Variants in ADGRL3 observed in about 807,000 individuals in gnomAD.
ADGRL3 encodes adhesion G protein-coupled receptor L3, also known as calcium-independent alpha-latrotoxin receptor 3.
ADGRL3 carries 62 observed loss-of-function variants against 153.5 expected under a neutral mutation model. The observed-to-expected ratio is 0.40, with a 90% CI of 0.33 to 0.50. ADGRL3 has a LOEUF of 0.50. ADGRL3 is among the 20% of genes least tolerant of loss of function. ADGRL3 has a pLI of 0.47. For synonymous variants in ADGRL3, 710 were observed against 672.5 expected, an observed-to-expected ratio of 1.06 and a Z score of -0.86; for missense variants, 1,641 against 1,859.4, an observed-to-expected ratio of 0.88 and a Z score of 2.16.
intron 1 of ADGRL3, among the ~76,000 whole-genome samples, chr4:61,235,441 G>C (rs1232907656): frequency 1.3e-5 from 2 of 152,164 alleles, no homozygotes; most frequent in African/African-American, 4.8e-5. Context: ...AGTTCAGAAT[G>C]ATACTGTAGT....
chr4:61,246,394 G>A (rs894053241), intron 1 of ADGRL3, among the ~76,000 whole-genome samples: 2 of 151,930 alleles, frequency 1.3e-5, no homozygotes, highest in Non-Finnish European at 2.9e-5. Flanking sequence ...AGCATCGGGG[G>A]GAGTTTAGTC....
intron 9 of ADGRL3, among the ~76,000 whole-genome samples, chr4:61,859,539 C>T (rs1194781598): frequency 1.3e-5 from 2 of 152,100 alleles, no homozygotes; most frequent in Non-Finnish European, 2.9e-5. Flanking sequence ...TTTTAGTGAA[C>T]CAAACTTCAC....
intron 9 of ADGRL3, among the ~76,000 whole-genome samples, chr4:61,871,004 CA>C (rs1208758104): frequency 6.6e-6 from 1 of 152,172 alleles, no homozygotes; most frequent in Non-Finnish European, 1.5e-5. Flanking sequence ...GGGGGCCGGG[CA>C]CGGTGGCTCA....
chr4:61,356,687 T>G (rs1482942412), intron 1 of ADGRL3, among the ~76,000 whole-genome samples: 1 of 152,104 alleles, frequency 6.6e-6, no homozygotes, highest in Non-Finnish European at 1.5e-5. Flanking sequence ...TGATTTAAAT[T>G]AAAAACAAAC....
At position 62,059,502 on chromosome 4, in the gene ADGRL3, C is replaced by T. The variant is rs77996653; in HGVS notation, c.3815-8664C>T. On this transcript the variant is annotated intron_variant, in intron 25 of 26. Transcript: ENST00000683033. ...AAAGAAGCAAGTGATTTTTAAGTAG[C>T]GATTAGTTTCTTTTCTCAGGAAAAG... Among the ~76,000 whole-genome samples, 206 of 152,110 alleles carry T rather than the reference C, an allele frequency of 1.4e-3. 1 individual carries two copies. Among genetic ancestry groups the T allele is most frequent in the African/African-American group, 4.7e-3 (196 of 41,514 alleles).
intron 1 of ADGRL3, among the ~76,000 whole-genome samples, chr4:61,206,081 T>C (rs1396409000): frequency 6.6e-6 from 1 of 152,128 alleles, no homozygotes; most frequent in Non-Finnish European, 1.5e-5. Context: ...GAGGGGTGGA[T>C]AAAAGGGGAG....
At chr4:61,317,841 A>G (rs2095259028) in intron 1 of ADGRL3, among the ~76,000 whole-genome samples, 1 of 152,192 alleles carries the variant, frequency 6.6e-6, no homozygotes, top group Non-Finnish European at 1.5e-5. Flanking sequence ...ACCCAGTACA[A>G]AAACTTACAA....
intron 9 of ADGRL3, among the ~76,000 whole-genome samples, chr4:61,838,125 A>G (rs2097964797): frequency 6.6e-6 from 1 of 152,146 alleles, no homozygotes; most frequent in Non-Finnish European, 1.5e-5. Context: ...CCCAGATCCC[A>G]AGCTATAGCT....
intron 6 of ADGRL3, among the ~76,000 whole-genome samples, 175 bp from the exon 7 acceptor site, chr4:61,730,447 C>T (rs2096420064): frequency 6.6e-6 from 1 of 151,646 alleles, no homozygotes; most frequent in African/African-American, 2.4e-5. Flanking sequence ...TTTTAAATAA[C>T]TGTATTAGAG....
chr4:61,676,868 T>G lies in ADGRL3; in HGVS notation c.516T>G (p.Asp172Glu). ...RTQCAVVAGP[D>E]VFPDPCPGTY... Reference sequence around the variant, plus strand: ...AGTGTGCAGTGGTGGCAGGTCCTGATGTTTTTCCAGACCCGTGTCCAGGAA... The same window carrying G: ...AGTGTGCAGTGGTGGCAGGTCCTGAGGTTTTTCCAGACCCGTGTCCAGGAA... The change falls in exon 6 of 27, where the codon GAT becomes GAG. Residue 172 changes from aspartate to glutamate, a missense_variant. Transcript: ENST00000683033. The G allele has an allele frequency of 6.2e-7, 1 of 1,612,308 alleles. No homozygotes were observed. Among genetic ancestry groups the G allele is most frequent in the Admixed American group, 1.7e-5 (1 of 59,918 alleles).
chr4:61,996,805 G>A (rs550512318), intron 20 of ADGRL3, among the ~76,000 whole-genome samples: 44 of 152,154 alleles, frequency 2.9e-4, no homozygotes, highest in African/African-American at 1.0e-3. Context: ...AAATTTAAAA[G>A]CAAAACTTTA....
chr4:61,244,992 C>T (rs1756475649), intron 1 of ADGRL3, among the ~76,000 whole-genome samples: 1 of 152,130 alleles, frequency 6.6e-6, no homozygotes, highest in East Asian at 1.9e-4. Flanking sequence ...ACACAATCTC[C>T]TTTCCTTTAC....
At chr4:61,959,365 C>T (rs767443677) in intron 17 of ADGRL3, among the ~76,000 whole-genome samples, 1 of 152,116 alleles carries the variant, frequency 6.6e-6, no homozygotes, top group Non-Finnish European at 1.5e-5. Flanking sequence ...AAAAGTCTGC[C>T]TACTCTCTCC....
At chr4:61,799,292 G>A (rs763786524) in intron 8 of ADGRL3, among the ~76,000 whole-genome samples, 4 of 151,698 alleles carry the variant, frequency 2.6e-5, no homozygotes, top group East Asian at 3.9e-4. Flanking sequence ...TCTATGACAG[G>A]GACTAGCAAA....
intron 5 of ADGRL3, among the ~76,000 whole-genome samples, chr4:61,668,794 G>C (rs2094892664): frequency 6.6e-6 from 1 of 152,264 alleles, no homozygotes; most frequent in East Asian, 1.9e-4. Context: ...GAGGTGGGAG[G>C]ATTGCTTGAG....
intron 1 of ADGRL3, among the ~76,000 whole-genome samples, chr4:61,228,655 C>A (rs914602882): frequency 2.0e-5 from 3 of 152,110 alleles, no homozygotes; most frequent in Non-Finnish European, 4.4e-5. Flanking sequence ...TGTTTAACAA[C>A]CCATTATGTG....
chr4:61,958,625 T>TGA lies in ADGRL3; in HGVS notation c.2805+10361_2805+10362dup, dbSNP rs151097802. Among the ~76,000 whole-genome samples the TGA allele has an allele frequency of 7.9e-5, 12 of 151,662 alleles. No homozygotes were observed. In the Middle Eastern group the frequency reaches 0.01, roughly 129 times the overall value. On this transcript the variant is annotated intron_variant, in intron 17 of 26. Coordinates refer to ENST00000683033, the MANE Select transcript of ADGRL3 (RefSeq NM_001387552.1). ...AGCAGGCACTTTCTTCACAAGGTGGTGAGAGAGAGAGAGCAGGGAAAACTG... is the reference window on the plus strand; with the variant it reads ...AGCAGGCACTTTCTTCACAAGGTGGTGAGAGAGAGAGAGAGCAGGGAAAACTG...
chr4:61,772,238 A>C (rs2097095377), intron 8 of ADGRL3, among the ~76,000 whole-genome samples: 1 of 152,154 alleles, frequency 6.6e-6, no homozygotes, highest in Non-Finnish European at 1.5e-5. Context: ...TAGGAAAAAA[A>C]ATCTTACCTT....
intron 2 of ADGRL3, among the ~76,000 whole-genome samples, chr4:61,399,180 G>A (rs528042986): frequency 6.6e-6 from 1 of 151,746 alleles, no homozygotes; most frequent in Non-Finnish European, 1.5e-5. Context: ...GATGTTTGAA[G>A]TAAAAATTTT....
Sources: allele counts gnomAD v4.1 joint callset (sites outside exome capture counted in the v4.1 genomes callset), GRCh38; gene constraint gnomAD v4.1.1; transcripts MANE v1.5; gene names NCBI Gene and HGNC (gene_info 2026-07-23, HGNC 2026-07-21).